Variants in DICER1 observed in about 807,000 individuals in gnomAD.
DICER1 encodes endoribonuclease Dicer.
In DICER1, 43 loss-of-function variants were observed where a neutral mutation model predicts 194.1. That is an observed-to-expected ratio of 0.22 (90% confidence interval 0.17 to 0.29). The LOEUF is 0.29. Ranked by LOEUF, DICER1 falls within the 10% of genes least tolerant of loss-of-function variation. The pLI is 1.00. For missense variants in DICER1, 1,608 were observed against 2,317.0 expected, an observed-to-expected ratio of 0.69 and a Z score of 6.28; for synonymous variants, 832 against 820.5, an observed-to-expected ratio of 1.01 and a Z score of -0.24.
At chr14:95,112,101 C>G in intron 13 of DICER1, 71 bp downstream of exon 13, 1 of 1,321,732 alleles carries the variant, frequency 7.6e-7, no homozygotes, top group Non-Finnish European at 1.1e-6. Flanking sequence ...TCTATAAAGT[C>G]CTCTATATGC....
intron 4 of DICER1, 135 bp downstream of exon 4, chr14:95,131,374 C>G: frequency 1.2e-6 from 1 of 822,948 alleles, no homozygotes; most frequent in South Asian, 1.5e-5. Context: ...TACATCAGGA[C>G]TAGCTTCTAG....
In DICER1 at chr14:95,087,882, G is replaced by A. The variant is rs1889466060; in HGVS notation, c.*2616C>T. ...CTCACATTGCAATCACAGGAACACA[G>A]GGTGGCACACAGGGCTCTAAAGTGG... is the stretch of plus-strand genomic sequence containing the variant. On this transcript the variant is annotated 3_prime_UTR_variant, in exon 27 of 27. Coordinates refer to ENST00000343455, the MANE Select transcript of DICER1 (RefSeq NM_177438.3). 5 of 232,928 alleles carry A rather than the reference G, an allele frequency of 2.1e-5. No individual in the cohort carries two copies. In the East Asian group the frequency reaches 3.0e-4, roughly 14 times the overall value. 14.4% of individuals were successfully genotyped at this position (232,928 alleles called of 1,614,324 possible). A position where few individuals can be genotyped will look rare whatever the true frequency, so the allele number is the denominator to read the frequency against.
intron 8 of DICER1, among the ~76,000 whole-genome samples, chr14:95,118,856 C>G (rs1453183012): frequency 6.6e-6 from 1 of 151,740 alleles, no homozygotes; most frequent in Admixed American, 6.6e-5. Context: ...AAGTGGCCAT[C>G]TAGAATCTCT....
At position 95,130,673 on chromosome 14, in the gene DICER1, CTG is replaced by C. The variant is rs374884911; in HGVS notation, c.439-483_439-482del. On this transcript the variant is annotated intron_variant, in intron 4 of 26. Transcript: ENST00000343455. Reference sequence around the variant, plus strand: ...ATGTGAAGCACACTAGTAGGCTGGGCTGTTTCAGTTCAGTGAGGAAGCGCCTC... The same window carrying C: ...ATGTGAAGCACACTAGTAGGCTGGGCTTTCAGTTCAGTGAGGAAGCGCCTC... Among the ~76,000 whole-genome samples, 41 of 152,312 alleles carry C rather than the reference CTG, an allele frequency of 2.7e-4. No homozygotes were observed. The East Asian group carries it at 6.0e-3, about 22-fold the overall frequency.
rs966168689 is a variant in DICER1 at position 95,116,644 on chromosome 14, T to C, written c.1561A>G (p.Ile521Val). Reference sequence around the variant, plus strand: ...GGTATATCAACACCCTCTTCTACAATACTTGTTGCAATAAGCAGGTTGGTC... The same window carrying C: ...GGTATATCAACACCCTCTTCTACAACACTTGTTGCAATAAGCAGGTTGGTC... ...HETNLLIATS[I>V]VEEGVDIPKC... Residue 521 changes from isoleucine (I) to valine (V), a missense_variant, in exon 10 of 27, where the codon ATT (isoleucine) becomes GTT (valine). Coordinates refer to ENST00000343455, the MANE Select transcript of DICER1 (RefSeq NM_177438.3). 5 of 1,613,784 alleles carry C rather than the reference T, an allele frequency of 3.1e-6. No individual in the cohort carries two copies. Among genetic ancestry groups the C allele is most frequent in the Middle Eastern group, 3.3e-4 (2 of 6,082 alleles).
At chr14:95,113,369 T>A in intron 11 of DICER1, 145 bp from the exon 12 acceptor site, 1 of 809,504 alleles carries the variant, frequency 1.2e-6, no homozygotes. Flanking sequence ...TGCTTCAAAC[T>A]TCGAATAAGA....
chr14:95,145,873 CT>C (rs1895097426), intron 1 of DICER1, among the ~76,000 whole-genome samples: 1 of 151,930 alleles, frequency 6.6e-6, no homozygotes, highest in African/African-American at 2.4e-5. Flanking sequence ...GCACATTAAC[CT>C]AGTCATTACC....
chr14:95,108,974 T>C (rs1483237916), intron 14 of DICER1, among the ~76,000 whole-genome samples: 1 of 152,234 alleles, frequency 6.6e-6, no homozygotes, highest in African/African-American at 2.4e-5. Context: ...GTATAATTCC[T>C]AGACTCTTTT....
chr14:95,119,592 G>A (rs1044318832), intron 8 of DICER1, among the ~76,000 whole-genome samples: 7 of 152,096 alleles, frequency 4.6e-5, no homozygotes, highest in African/African-American at 1.7e-4. Context: ...TGTATTATTT[G>A]TTTCTTTTGG....
intron 8 of DICER1, among the ~76,000 whole-genome samples, chr14:95,121,281 TA>T (rs1436561269): frequency 6.6e-6 from 1 of 152,154 alleles, no homozygotes; most frequent in Non-Finnish European, 1.5e-5. Flanking sequence ...CACCTTGGAT[TA>T]AAGACATTAT....
intron 1 of DICER1, among the ~76,000 whole-genome samples, chr14:95,139,710 G>GATATATTT (rs1173818420): frequency 6.6e-6 from 1 of 152,164 alleles, no homozygotes; most frequent in African/African-American, 2.4e-5. Flanking sequence ...GATGGATCAA[G>GATATATTT]ATATATTTCT....
At position 95,095,984 on chromosome 14, in the gene DICER1, G is replaced by A. The variant is rs2139840189; in HGVS notation, c.4936C>T (p.Pro1646Ser). 1 of 1,614,176 alleles carries A rather than the reference G, an allele frequency of 6.2e-7. No homozygotes were observed. The highest frequency in any genetic ancestry group is 8.5e-7 in the Non-Finnish European group (1 of 1,180,030). The change falls in exon 23 of 27, where the codon CCA (proline) becomes TCA (serine). Residue 1646 changes from proline to serine, a missense_variant. By Grantham distance (74) the Pro-to-Ser change is moderately conservative. Around this residue, in one of 10 missense-constraint regions of DICER1, gnomAD observed 125 missense variants for 134.9 expected, o/e 0.93. Coordinates refer to ENST00000343455, the MANE Select transcript of DICER1 (RefSeq NM_177438.3). ...DSEYGCLKIP[P>S]RCMFDHPDAD... ...TCTGGATGATCAAACATACATCTTGGTGGAATCTTCAAACAACCATATTCC... is the reference window on the plus strand; with the variant it reads ...TCTGGATGATCAAACATACATCTTGATGGAATCTTCAAACAACCATATTCC...
At chr14:95,149,808 A>G (rs1197542493) in intron 1 of DICER1, among the ~76,000 whole-genome samples, 1 of 152,166 alleles carries the variant, frequency 6.6e-6, no homozygotes, top group Non-Finnish European at 1.5e-5. Flanking sequence ...GCAGCTTTTT[A>G]TAGGTCAAAT....
rs200884347 is a variant in DICER1, at chr14:95,133,461, A to G, written c.-3T>C. The G allele has an allele frequency of 5.0e-6, 8 of 1,611,712 alleles. No individual in the cohort carries two copies. In the East Asian group the frequency reaches 8.9e-5, roughly 18 times the overall value. Reference sequence around the variant, plus strand: ...GGTTGCAAAGCAGGGCTTTTCATTCATCCAGTGTTTCTTTCATTGCATTTT... The same window carrying G: ...GGTTGCAAAGCAGGGCTTTTCATTCGTCCAGTGTTTCTTTCATTGCATTTT... On this transcript the variant is annotated 5_prime_UTR_variant, in exon 2 of 27. An upstream start codon of the reference 5' UTR is lost. Transcript: ENST00000343455.
rs761692174 is a variant in DICER1, at chr14:95,111,269, A to C, written c.2256+48T>G. On this transcript the variant is annotated intron_variant, in intron 14 of 26. Transcript: ENST00000343455. ...GAACTGAGATTTGATGTAGCGGAAA[A>C]CAAAGTCAGAAATGCTAGGTTTTTA... 1.9e-6 allele frequency: 3 copies of C among 1,612,950 alleles called. No individual in the cohort carries two copies. In the Admixed American group the frequency reaches 5.0e-5, roughly 27 times the overall value.
chr14:95,122,181 C>T (rs1351030234), intron 8 of DICER1, among the ~76,000 whole-genome samples: 3 of 152,128 alleles, frequency 2.0e-5, no homozygotes. Flanking sequence ...TCATCTGATC[C>T]TTAAAGTCAA....
chr14:95,099,117 G>A (rs1890625801), intron 22 of DICER1, among the ~76,000 whole-genome samples: 1 of 152,164 alleles, frequency 6.6e-6, no homozygotes, highest in Non-Finnish European at 1.5e-5. Context: ...CTTCGGAAGA[G>A]GCACTAGAAC....
At chr14:95,142,997 C>T (rs796521380) in intron 1 of DICER1, among the ~76,000 whole-genome samples, 11 of 152,256 alleles carry the variant, frequency 7.2e-5, no homozygotes, top group African/African-American at 2.6e-4. Context: ...CAGATTCTGA[C>T]ATTATTAACT....
At position 95,105,041 on chromosome 14, in the gene DICER1, T is replaced by C. The variant is rs1566771099; in HGVS notation, c.3269+30A>G. On this transcript the variant is annotated intron_variant, in intron 20 of 26. Transcript: ENST00000343455. This position sits in a 1 kb window ranked among gnomAD's most constrained non-coding sequence, Gnocchi z 4.9. ...TTTGCAAACAGGATCTCATGATCTG[T>C]GTTCTTTCTGGCTGACTGCACAGGC... The C allele has an allele frequency of 3.1e-6, 5 of 1,606,962 alleles. No homozygotes were observed. The highest frequency in any genetic ancestry group is 1.9e-4 in the Middle Eastern group (1 of 5,332).
Sources: allele counts gnomAD v4.1 joint callset (sites outside exome capture counted in the v4.1 genomes callset), GRCh38; gene constraint gnomAD v4.1.1; regional missense constraint gnomAD v4.1.1; non-coding constraint Gnocchi (gnomAD v3.1); transcripts MANE v1.5; gene names NCBI Gene and HGNC (gene_info 2026-07-23, HGNC 2026-07-21).